CFAP69: variants seen among roughly 807,000 people sequenced by gnomAD.
CFAP69 encodes the protein cilia and flagella associated protein 69.
CFAP69 carries 92 observed loss-of-function variants against 123.0 expected under a neutral mutation model. That is an observed-to-expected ratio of 0.75 (90% confidence interval 0.63 to 0.89). The LOEUF is 0.89. Among genes scored for constraint, CFAP69 ranks in the 40% least tolerant of loss-of-function variants. CFAP69 has a pLI of 0.00. For synonymous variants in CFAP69, 380 were observed against 364.3 expected (o/e 1.04, Z -0.49); for missense variants, 1,067 against 1,096.9 (o/e 0.97, Z 0.39).
downstream of CFAP69, among the ~76,000 whole-genome samples, chr7:90,313,863 A>G (rs1794537956): frequency 6.6e-6 from 1 of 152,194 alleles, no homozygotes; most frequent in Admixed American, 6.5e-5. Flanking sequence ...CAGAGGATGT[A>G]ATATAGAAAG....
intron 21 of CFAP69, among the ~76,000 whole-genome samples, chr7:90,308,680 T>C (rs1463165354): frequency 1.3e-5 from 2 of 152,172 alleles, no homozygotes; most frequent in Non-Finnish European, 2.9e-5. Flanking sequence ...CCAATTCTAC[T>C]TATAAAATGT....
intron 13 of CFAP69, among the ~76,000 whole-genome samples, chr7:90,285,194 G>A (rs770310646): frequency 1.4e-4 from 22 of 152,062 alleles, no homozygotes; most frequent in Non-Finnish European, 2.8e-4. Flanking sequence ...AGGCCCCTCT[G>A]TCCATGGCAT....
intron 1 of CFAP69, among the ~76,000 whole-genome samples, chr7:90,253,389 T>G (rs1487288736): frequency 6.6e-6 from 1 of 152,134 alleles, no homozygotes; most frequent in Non-Finnish European, 1.5e-5. Flanking sequence ...TTGCTATTTG[T>G]ATTTGTTTGT....
chr7:90,319,598 C>G, the CFAP69 span: 1 of 398,588 alleles, frequency 2.5e-6, no homozygotes, highest in Non-Finnish European at 4.4e-6. Flanking sequence ...AAAGAGCAAG[C>G]TTTCCAGCAC....
chr7:90,252,729 C>T (rs1258719464), intron 1 of CFAP69, among the ~76,000 whole-genome samples: 1 of 152,084 alleles, frequency 6.6e-6, no homozygotes, highest in South Asian at 2.1e-4. Flanking sequence ...GATACTTACT[C>T]CACAGACTTA....
intron 15 of CFAP69, among the ~76,000 whole-genome samples, chr7:90,295,262 G>C (rs937688948): frequency 6.6e-6 from 1 of 152,104 alleles, no homozygotes; most frequent in Non-Finnish European, 1.5e-5. Flanking sequence ...ATCTTAGAAG[G>C]GATTCTAACC....
chr7:90,258,619 T>C (rs776720489), intron 3 of CFAP69, among the ~76,000 whole-genome samples: 2 of 152,098 alleles, frequency 1.3e-5, no homozygotes, highest in African/African-American at 2.4e-5. Context: ...TTCCTAATCA[T>C]ATGTGAAAAG....
chr7:90,273,283 G>C lies in CFAP69; in HGVS notation c.861-704G>C, dbSNP rs186309058. Among the ~76,000 whole-genome samples the C allele has an allele frequency of 2.2e-3, 332 of 152,296 alleles. 12 individuals carry two copies. The highest frequency in any genetic ancestry group is 1.5e-3 in the Non-Finnish European group (100 of 68,004). On this transcript the variant is annotated intron_variant, in intron 8 of 22. Coordinates refer to ENST00000389297, the MANE Select transcript of CFAP69 (RefSeq NM_001039706.3). ...AGAGCAGAAGGAACAGGCTACAATG[G>C]TGAGAGATGAGGCTAACAATGTTAT...
intron 2 of CFAP69, among the ~76,000 whole-genome samples, chr7:90,256,815 G>A (rs747925157): frequency 8.5e-5 from 13 of 152,160 alleles, no homozygotes; most frequent in Non-Finnish European, 1.8e-4. Context: ...CAGAGAAAAA[G>A]TATAGACAAT....
chr7:90,269,228 G>C (rs1799607388), intron 6 of CFAP69, among the ~76,000 whole-genome samples: 1 of 152,040 alleles, frequency 6.6e-6, no homozygotes, highest in South Asian at 2.1e-4. Context: ...GATGGGGAAG[G>C]AGTGTCTTGG....
intron 11 of CFAP69, among the ~76,000 whole-genome samples, chr7:90,278,567 A>C (rs1347033037): frequency 6.6e-6 from 1 of 152,006 alleles, no homozygotes; most frequent in African/African-American, 2.4e-5. Flanking sequence ...TAGACCTATA[A>C]AGATAATAAA....
chr7:90,304,829 C>G lies in CFAP69; in HGVS notation c.2265+9C>G. The G allele has an allele frequency of 7.1e-7, 1 of 1,398,898 alleles. No homozygotes were observed. The highest frequency in any genetic ancestry group is 1.0e-6 in the Non-Finnish European group (1 of 1,001,412). 86.7% of individuals were successfully genotyped at this position (1,398,898 alleles called of 1,614,324 possible). ...GATATCTTGATTTTAAAGTAAGTAT[C>G]TTTTTAATAACCTGATTATTAAAAT... On this transcript the variant is annotated intron_variant, in intron 19 of 22. Transcript: ENST00000389297.
chr7:90,259,820 TA>T (rs1798090136), intron 3 of CFAP69, among the ~76,000 whole-genome samples: 1 of 152,148 alleles, frequency 6.6e-6, no homozygotes, highest in Admixed American at 6.5e-5. Flanking sequence ...TATGCTATTG[TA>T]AAATACAATA....
chr7:90,304,869 A>T, intron 19 of CFAP69, 49 bp downstream of exon 19: 1 of 1,151,746 alleles, frequency 8.7e-7, no homozygotes. Flanking sequence ...ATAGCAAAAA[A>T]TTAACTGGAA....
chr7:90,281,928 C>A (rs1789551866), intron 12 of CFAP69, among the ~76,000 whole-genome samples: 1 of 152,198 alleles, frequency 6.6e-6, no homozygotes, highest in Non-Finnish European at 1.5e-5. Flanking sequence ...GAGAAGTATA[C>A]AAGGACTAGG....
intron 1 of CFAP69, among the ~76,000 whole-genome samples, chr7:90,254,085 G>A (rs1797347459): frequency 3.3e-5 from 5 of 152,122 alleles, no homozygotes. Flanking sequence ...ACCATTTATT[G>A]AAGAGACTGT....
At position 90,263,623 on chromosome 7, in the gene CFAP69, A is replaced by T. The variant is rs112004857; in HGVS notation, c.356+1567A>T. On this transcript the variant is annotated intron_variant, in intron 4 of 22. Transcript: ENST00000389297. ...TATAATACATTATTTGTTTCAAATG[A>T]CAAATTCTGACAAACACTAGAAATG... Among the ~76,000 whole-genome samples the T allele has an allele frequency of 9.3e-3, 1,410 of 152,284 alleles. 24 individuals are homozygous for T. Among genetic ancestry groups the T allele is most frequent in the African/African-American group, 0.03 (1,266 of 41,546 alleles).
intron 15 of CFAP69, among the ~76,000 whole-genome samples, chr7:90,294,215 G>A (rs1791600329): frequency 6.6e-6 from 1 of 152,088 alleles, no homozygotes; most frequent in Non-Finnish European, 1.5e-5. Flanking sequence ...AGTCAAAGAA[G>A]CCATTTATGA....
At chr7:90,280,950 C>T (rs1789399074) in intron 12 of CFAP69, among the ~76,000 whole-genome samples, 1 of 152,172 alleles carries the variant, frequency 6.6e-6, no homozygotes, top group Non-Finnish European at 1.5e-5. Flanking sequence ...TTATTTTCCA[C>T]TGAATAAAGC....
Sources: allele counts gnomAD v4.1 joint callset (sites outside exome capture counted in the v4.1 genomes callset), GRCh38; gene constraint gnomAD v4.1.1; transcripts MANE v1.5; gene names NCBI Gene and HGNC (gene_info 2026-07-23, HGNC 2026-07-21).